The following ZBTB20 variants were observed in gnomAD, a reference collection of about 807,000 sequenced individuals.
ZBTB20 encodes the protein zinc finger and BTB domain containing 20.
In ZBTB20, 9 loss-of-function variants were observed where a neutral mutation model predicts 56.9. The ratio of observed to expected loss-of-function variants is 0.16; its 90% CI spans 0.10 to 0.28. The LOEUF is 0.28. Among genes scored for constraint, ZBTB20 ranks in the 10% least tolerant of loss-of-function variants. The probability of loss-of-function intolerance (pLI) is 1.00; values close to 1 mark genes in which losing one functional copy is unlikely to be tolerated. For synonymous variants in ZBTB20, 417 were observed against 420.7 expected (o/e 0.99, Z 0.11); for missense variants, 655 against 1,003.0 (o/e 0.65, Z 4.69).
intron 4 of ZBTB20, among the ~76,000 whole-genome samples, chr3:114,847,147 GAATCGGACTAATTTTTTAAACA>G (rs1173668291): frequency 6.6e-6 from 1 of 152,084 alleles, no homozygotes; most frequent in Non-Finnish European, 1.5e-5. Flanking sequence ...GATTATAAAG[GAATCGGACTAATTTTTTAAACA>G]AATCTATAGG....
chr3:114,491,788 C>A (rs2042783018), intron 7 of ZBTB20, among the ~76,000 whole-genome samples: 1 of 152,074 alleles, frequency 6.6e-6, no homozygotes, highest in Admixed American at 6.6e-5. Flanking sequence ...TGCAGTAGCT[C>A]ATTTTCCTTT....
At chr3:115,133,267 T>G (rs760117884) in intron 1 of ZBTB20, among the ~76,000 whole-genome samples, 22 of 152,212 alleles carry the variant, frequency 1.4e-4, no homozygotes, top group Non-Finnish European at 3.2e-4. Context: ...GGTTTTAAAT[T>G]TGTCACACAG....
rs140323528 is a variant in ZBTB20 at position 114,449,338 on chromosome 3, G to A, written c.-255+51014C>T. ...TTTGTTTGGTTAGTTATAAAAGCCT[G>A]AAAAACAAGATTATCTCCACCATAA... is the stretch of plus-strand genomic sequence containing the variant. On this transcript the variant is annotated intron_variant, in intron 7 of 11. Transcript: ENST00000675478. Among the ~76,000 whole-genome samples the A allele has an allele frequency of 4.3e-3, 647 of 152,166 alleles. 22 individuals carry two copies. Among genetic ancestry groups the A allele is most frequent in the Admixed American group, 0.027 (405 of 15,264 alleles).
At chr3:115,066,708 A>C (rs999744048) in intron 2 of ZBTB20, among the ~76,000 whole-genome samples, 4 of 152,052 alleles carry the variant, frequency 2.6e-5, no homozygotes, top group Admixed American at 2.0e-4. Context: ...TTATCCCTCC[A>C]TCTTCATCTC....
intron 7 of ZBTB20, among the ~76,000 whole-genome samples, chr3:114,422,258 G>T (rs1457350103): frequency 6.6e-6 from 1 of 152,084 alleles, no homozygotes; most frequent in African/African-American, 2.4e-5. Flanking sequence ...GGGATTCAAA[G>T]CTCACCTAGA....
rs1264323013 is a variant in ZBTB20 at position 114,931,564 on chromosome 3, A to C, written c.-455-31222T>G. 5 of 154,814 alleles carry C rather than the reference A, an allele frequency of 3.2e-5. No homozygotes were observed. The Admixed American group carries it at 3.3e-4, about 10-fold the overall frequency. 9.6% of individuals were successfully genotyped at this position (154,814 alleles called of 1,614,324 possible). ...GCAGGAAAGAAATGCTGAAGACCTTAAGTGCTTGCTTTTTGCCCATTGATC... is the reference window on the plus strand; with the variant it reads ...GCAGGAAAGAAATGCTGAAGACCTTCAGTGCTTGCTTTTTGCCCATTGATC... On this transcript the variant is annotated intron_variant, in intron 3 of 11. Transcript: ENST00000675478.
At chr3:114,446,501 T>C (rs567637201) in intron 7 of ZBTB20, among the ~76,000 whole-genome samples, 2 of 152,268 alleles carry the variant, frequency 1.3e-5, no homozygotes, top group African/African-American at 4.8e-5. Context: ...CAGTACAACA[T>C]TTAGAGAACC....
chr3:115,029,641 A>C (rs1254836273), intron 2 of ZBTB20, among the ~76,000 whole-genome samples: 2 of 150,810 alleles, frequency 1.3e-5, no homozygotes, highest in East Asian at 1.9e-4. Context: ...AGTGGGAAAA[A>C]CATAGATTTT....
At chr3:114,940,726 G>T (rs1486074431) in intron 3 of ZBTB20, among the ~76,000 whole-genome samples, 1 of 146,062 alleles carries the variant, frequency 6.8e-6, no homozygotes, top group Non-Finnish European at 1.5e-5. Context: ...TTACAATATT[G>T]GCCTTGGGTA....
intron 6 of ZBTB20, among the ~76,000 whole-genome samples, chr3:114,668,841 C>T (rs990863904): frequency 1.3e-5 from 2 of 152,040 alleles, no homozygotes; most frequent in Admixed American, 6.6e-5. Flanking sequence ...TTAAAGGAAG[C>T]TCTGAGGTCT....
chr3:115,087,161 A>G (rs1442737594), intron 1 of ZBTB20, among the ~76,000 whole-genome samples: 3 of 151,736 alleles, frequency 2.0e-5, no homozygotes, highest in Admixed American at 1.3e-4. Flanking sequence ...AATGATATCA[A>G]TTTAGGAGGA....
chr3:114,353,981 T>C (rs546111729), intron 10 of ZBTB20, among the ~76,000 whole-genome samples: 1 of 152,312 alleles, frequency 6.6e-6, no homozygotes, highest in East Asian at 1.9e-4. Context: ...TAGTTTGCCC[T>C]TTACTGAGGT....
rs201829025 is a variant in ZBTB20, at chr3:114,401,083, G to GACACACACACACACACACACACACAC, written c.-254-12004_-254-11979dup. On this transcript the variant is annotated intron_variant, in intron 7 of 11. Coordinates refer to ENST00000675478, the MANE Select transcript of ZBTB20 (RefSeq NM_001348800.3). Reference sequence around the variant, plus strand: ...AGGTAGGGAATCTGTCTACCTCCCAGACACACACACACACACACACACACA... The same window carrying GACACACACACACACACACACACACAC: ...AGGTAGGGAATCTGTCTACCTCCCAGACACACACACACACACACACACACACACACACACACACACACACACACACA... 5.9e-4 allele frequency among the ~76,000 whole-genome samples: 79 copies of GACACACACACACACACACACACACAC among 133,098 alleles called. 2 individuals are homozygous for GACACACACACACACACACACACACAC. Among genetic ancestry groups the GACACACACACACACACACACACACAC allele is most frequent in the East Asian group, 2.0e-3 (9 of 4,504 alleles). The allele number at this position is 133,098 out of a possible 152,430, so 87.3% of individuals were successfully genotyped here. A position where few individuals can be genotyped will look rare whatever the true frequency, so the allele number is the denominator to read the frequency against.
At chr3:114,931,195 C>A in intron 3 of ZBTB20, 1 of 200,028 alleles carries the variant, frequency 5.0e-6, no homozygotes, top group Non-Finnish European at 1.1e-5. Flanking sequence ...GCCAGTGAGG[C>A]AGGATATTTG....
intron 7 of ZBTB20, among the ~76,000 whole-genome samples, chr3:114,460,739 A>G (rs1306818832): frequency 6.6e-6 from 1 of 152,220 alleles, no homozygotes. Flanking sequence ...TAACAGCCAT[A>G]GGAAATTAAC....
intron 3 of ZBTB20, among the ~76,000 whole-genome samples, chr3:114,928,556 G>T (rs2076242590): frequency 6.6e-6 from 1 of 152,170 alleles, no homozygotes; most frequent in South Asian, 2.1e-4. Context: ...AATATTTCAG[G>T]AGAGATACAT....
intron 1 of ZBTB20, among the ~76,000 whole-genome samples, chr3:115,109,625 T>G (rs1429031385): frequency 6.6e-6 from 1 of 152,104 alleles, no homozygotes; most frequent in Non-Finnish European, 1.5e-5. Flanking sequence ...CCAAATAGAA[T>G]GTGTAAGGAA....
At chr3:114,985,241 C>T (rs1049229817) in intron 2 of ZBTB20, among the ~76,000 whole-genome samples, 13 of 152,058 alleles carry the variant, frequency 8.5e-5, no homozygotes, top group African/African-American at 3.1e-4. Context: ...ACTGATAGAT[C>T]TGAGTAACGA....
chr3:114,530,721 C>T (rs2047750118), intron 6 of ZBTB20, among the ~76,000 whole-genome samples: 2 of 152,088 alleles, frequency 1.3e-5, no homozygotes, highest in South Asian at 2.1e-4. Context: ...TGATCATCGC[C>T]CTTTTGATAC....
Sources: gnomAD v4.1 joint callset for allele counts (sites outside exome capture counted in the v4.1 genomes callset) on GRCh38, gnomAD v4.1.1 for gene constraint, MANE v1.5 for transcripts, NCBI Gene and HGNC (gene_info 2026-07-23, HGNC 2026-07-21) for gene names.